The following EXOC6 variants were observed in gnomAD, a reference collection of about 807,000 sequenced individuals.
EXOC6 encodes the protein SEC15-like 1.
Under a neutral mutation model 112.5 loss-of-function variants are expected in EXOC6, and 60 were observed. The ratio of observed to expected loss-of-function variants is 0.53; its 90% CI spans 0.43 to 0.66. The LOEUF (loss-of-function observed/expected upper bound fraction) is 0.66, where lower values mean the gene tolerates loss of function less well. EXOC6 is among the 30% of genes least tolerant of loss of function. The probability of loss-of-function intolerance (pLI) is 0.00; values close to 1 mark genes in which losing one functional copy is unlikely to be tolerated. For synonymous variants in EXOC6, 295 were observed against 308.0 expected (o/e 0.96, Z 0.44); for missense variants, 855 against 957.1 (o/e 0.89, Z 1.41).
intron 1 of EXOC6, among the ~76,000 whole-genome samples, chr10:92,860,199 T>C (rs1471519258): frequency 6.6e-6 from 1 of 151,706 alleles, no homozygotes; most frequent in Admixed American, 6.6e-5. Flanking sequence ...AATTTCTACA[T>C]ATAAAGTTAT....
At chr10:92,954,859 A>T in intron 16 of EXOC6, 118 bp downstream of exon 16, 1 of 526,698 alleles carries the variant, frequency 1.9e-6, no homozygotes, top group Non-Finnish European at 3.3e-6. Context: ...TAATATAAGC[A>T]GATTTGTTTT....
chr10:93,005,115 CTTCA>C (rs1838598045), intron 19 of EXOC6, among the ~76,000 whole-genome samples: 1 of 152,104 alleles, frequency 6.6e-6, no homozygotes, highest in African/African-American at 2.4e-5. Flanking sequence ...TAATTAATAA[CTTCA>C]TTAATAAATA....
intron 19 of EXOC6, among the ~76,000 whole-genome samples, chr10:93,006,092 C>T (rs567000179): frequency 6.6e-6 from 1 of 151,986 alleles, no homozygotes; most frequent in South Asian, 2.1e-4. Flanking sequence ...CCTGGAAGGT[C>T]AAGGCTGCAG....
chr10:92,871,666 G>A lies in EXOC6; in HGVS notation c.102-21683G>A, dbSNP rs549162415. On this transcript the variant is annotated intron_variant, in intron 1 of 21. Transcript: ENST00000260762. Reference sequence around the variant, plus strand: ...TACTAAAAATACAAAAATTAGCTGGGCGTGGTGGTGCATGCCTGTAATCCC... The same window carrying A: ...TACTAAAAATACAAAAATTAGCTGGACGTGGTGGTGCATGCCTGTAATCCC... 2.9e-3 allele frequency among the ~76,000 whole-genome samples: 434 copies of A among 151,982 alleles called. 2 individuals carry two copies. The highest frequency in any genetic ancestry group is 0.01 in the African/African-American group (416 of 41,480).
rs1212623428 is a variant in EXOC6, at chr10:92,940,834, A to G, written c.1310+10A>G. Reference sequence around the variant, plus strand: ...GGGCTGGAGTTTTCAGGTTAGTCTAAGTCATGGTGCCTTAATATAATGAAT... The same window carrying G: ...GGGCTGGAGTTTTCAGGTTAGTCTAGGTCATGGTGCCTTAATATAATGAAT... On this transcript the variant is annotated intron_variant, in intron 13 of 21. Coordinates refer to ENST00000260762, the MANE Select transcript of EXOC6 (RefSeq NM_019053.6). 6.5e-7 allele frequency: 1 copy of G among 1,533,572 alleles called. No individual in the cohort carries two copies. The highest frequency in any genetic ancestry group is 1.1e-5 in the South Asian group (1 of 87,118). 95.0% of individuals were successfully genotyped at this position (1,533,572 alleles called of 1,614,324 possible).
At chr10:92,973,547 C>T (rs549317176) in intron 17 of EXOC6, among the ~76,000 whole-genome samples, 122 of 152,340 alleles carry the variant, frequency 8.0e-4, no homozygotes, top group African/African-American at 2.9e-3. Flanking sequence ...TTTTTGCTGG[C>T]ATCACTCCTA....
At chr10:92,843,422 T>C (rs577808074) in intron 1 of EXOC6, among the ~76,000 whole-genome samples, 1 of 152,342 alleles carries the variant, frequency 6.6e-6, no homozygotes, top group South Asian at 2.1e-4. Flanking sequence ...TTTGATACAG[T>C]TCTATAATTC....
At chr10:93,044,220 A>G (rs1180038803) in intron 20 of EXOC6, among the ~76,000 whole-genome samples, 4 of 152,244 alleles carry the variant, frequency 2.6e-5, no homozygotes, top group Non-Finnish European at 5.9e-5. Flanking sequence ...TTTGTCGCGC[A>G]AATTATTATA....
chr10:92,837,097 A>AACACACACAC (rs58871930), intron 1 of EXOC6, among the ~76,000 whole-genome samples: 2,834 of 139,798 alleles, frequency 0.02, 49 homozygotes, highest in Middle Eastern at 0.045. Flanking sequence ...GTTATAACAT[A>AACACACACAC]ACACACACAC....
At chr10:92,985,219 C>T (rs1589977348) in intron 18 of EXOC6, among the ~76,000 whole-genome samples, 1 of 152,160 alleles carries the variant, frequency 6.6e-6, no homozygotes, top group East Asian at 1.9e-4. Flanking sequence ...GGTGGGGGAT[C>T]ATTGGTACAA....
At chr10:92,877,365 C>T (rs566517335) in intron 1 of EXOC6, among the ~76,000 whole-genome samples, 5 of 152,066 alleles carry the variant, frequency 3.3e-5, no homozygotes, top group Non-Finnish European at 5.9e-5. Flanking sequence ...CTGGCTCTGG[C>T]CTTTTAGAAG....
intron 1 of EXOC6, among the ~76,000 whole-genome samples, chr10:92,876,631 G>A (rs1430723715): frequency 3.3e-5 from 5 of 152,198 alleles, no homozygotes; most frequent in African/African-American, 4.8e-5. Context: ...CAGGAAGGGA[G>A]GGTCCTGTAT....
intron 19 of EXOC6, among the ~76,000 whole-genome samples, chr10:92,998,628 C>CCGCACA (rs1554915173): frequency 2.1e-5 from 3 of 141,346 alleles, no homozygotes; most frequent in Non-Finnish European, 4.6e-5. Context: ...CTGTTGCACA[C>CCGCACA]CACACACACA....
intron 13 of EXOC6, among the ~76,000 whole-genome samples, chr10:92,942,181 A>G (rs1852706132): frequency 6.6e-6 from 1 of 152,162 alleles, no homozygotes; most frequent in Non-Finnish European, 1.5e-5. Flanking sequence ...TCTTGAGGCC[A>G]GGAGTTTGAG....
At chr10:92,872,809 A>G (rs1848516232) in intron 1 of EXOC6, among the ~76,000 whole-genome samples, 1 of 152,150 alleles carries the variant, frequency 6.6e-6, no homozygotes, top group Non-Finnish European at 1.5e-5. Flanking sequence ...TTTGTTTTCT[A>G]TGATTGAGTA....
intron 1 of EXOC6, among the ~76,000 whole-genome samples, chr10:92,855,418 T>C (rs1847552774): frequency 6.6e-6 from 1 of 152,158 alleles, no homozygotes; most frequent in Non-Finnish European, 1.5e-5. Flanking sequence ...AGGGTAATGC[T>C]GGCCTTATAG....
At chr10:93,029,030 CT>C (rs1554923847) in intron 20 of EXOC6, among the ~76,000 whole-genome samples, 1 of 152,016 alleles carries the variant, frequency 6.6e-6, no homozygotes, top group Non-Finnish European at 1.5e-5. Context: ...TCATTGTTGT[CT>C]TTTTTTAAGA....
chr10:92,933,282 C>T (rs1364084938), intron 9 of EXOC6, among the ~76,000 whole-genome samples: 1 of 152,076 alleles, frequency 6.6e-6, no homozygotes, highest in Admixed American at 6.6e-5. Flanking sequence ...GTAGACATAA[C>T]ATCAGTAAGA....
intron 20 of EXOC6, among the ~76,000 whole-genome samples, chr10:93,016,599 A>G (rs944732684): frequency 2.0e-5 from 3 of 152,250 alleles, no homozygotes; most frequent in Non-Finnish European, 4.4e-5. Context: ...CTTATTCGAT[A>G]TAAGAAAATC....
Sources: allele counts gnomAD v4.1 joint callset (sites outside exome capture counted in the v4.1 genomes callset), GRCh38; gene constraint gnomAD v4.1.1; transcripts MANE v1.5; gene names NCBI Gene and HGNC (gene_info 2026-07-23, HGNC 2026-07-21).